The following GBGT1 variants were observed in gnomAD, a reference collection of about 807,000 sequenced individuals.
GBGT1 encodes globoside alpha-1,3-N-acetylgalactosaminyltransferase 1 (FORS blood group).
In GBGT1, 18 loss-of-function variants were observed where a neutral mutation model predicts 20.9. The ratio of observed to expected loss-of-function variants is 0.86; its 90% CI spans 0.60 to 1.28. GBGT1 has a LOEUF of 1.28. GBGT1 is among the 50% of genes most tolerant of loss of function. GBGT1 has a pLI of 0.00. For missense variants in GBGT1, 432 were observed against 455.7 expected (o/e 0.95, Z 0.47); for synonymous variants, 168 against 180.8 (o/e 0.93, Z 0.57).
rs1263478892 is a variant in GBGT1, at chr9:133,153,409, T to C, written c.*168A>G. ...CGCGTTACTGTGAGATCCTGTGTGC[T>C]ACTGTGTGCACAGCCCTCTGCAGTT... On this transcript the variant is annotated 3_prime_UTR_variant, in exon 7 of 7. Coordinates refer to ENST00000372040, the MANE Select transcript of GBGT1 (RefSeq NM_021996.6). 3 of 474,880 alleles carry C rather than the reference T, an allele frequency of 6.3e-6. No individual in the cohort carries two copies. The highest frequency in any genetic ancestry group is 7.4e-6 in the Non-Finnish European group (2 of 270,788). The allele number at this position is 474,880 out of a possible 1,614,324, so 29.4% of individuals were successfully genotyped here.
intron 3 of GBGT1, among the ~76,000 whole-genome samples, chr9:133,160,425 G>A (rs1833004355): frequency 6.6e-6 from 1 of 152,048 alleles, no homozygotes; most frequent in African/African-American, 2.4e-5. Context: ...TGTACTACAC[G>A]GTGGCTTTGC....
chr9:133,153,817 C>T lies in GBGT1; in HGVS notation c.804G>A (p.Gln268=). 1.3e-6 allele frequency: 2 copies of T among 1,587,604 alleles called. No homozygotes were observed. The highest frequency in any genetic ancestry group is 2.7e-5 in the African/African-American group (2 of 74,554). The change falls in exon 7 of 7, where the codon CAG becomes CAA. Residue 268 remains glutamine, a synonymous_variant. Coordinates refer to ENST00000372040, the MANE Select transcript of GBGT1 (RefSeq NM_021996.6). The stretch of plus-strand genomic sequence containing the variant: ...TAGTAAACTCATATACCCTGGCCAC[C>T]TGCCCCCCGAAGACTGCCCCACCAT... ...FYYGGAVFGG[Q]VARVYEFTRG... is the part of the protein sequence containing the mutation.
chr9:133,161,334 C>G, intron 3 of GBGT1, 133 bp downstream of exon 3: 1 of 590,694 alleles, frequency 1.7e-6, no homozygotes, highest in Non-Finnish European at 3.0e-6. Context: ...TACATAAATA[C>G]TATTGCATTT....
chr9:133,156,190 A>G, intron 3 of GBGT1, 125 bp from the exon 4 acceptor site: 1 of 986,204 alleles, frequency 1.0e-6, no homozygotes, highest in Non-Finnish European at 1.5e-6. Flanking sequence ...GCTCCCTCTG[A>G]CCTTCCCCCA....
At chr9:133,157,905 G>A (rs1404787926) in intron 3 of GBGT1, among the ~76,000 whole-genome samples, 1 of 152,200 alleles carries the variant, frequency 6.6e-6, no homozygotes, top group Non-Finnish European at 1.5e-5. Context: ...CCAGCACTTT[G>A]GGAGGCCAAA....
At position 133,153,329 on chromosome 9, in the gene GBGT1, C is replaced by T. The variant is rs1015527579; in HGVS notation, c.*248G>A. 3.0e-5 allele frequency: 11 copies of T among 371,258 alleles called. No individual in the cohort carries two copies. Among genetic ancestry groups the T allele is most frequent in the Non-Finnish European group, 5.3e-5 (11 of 208,340 alleles). 23.0% of individuals were successfully genotyped at this position (371,258 alleles called of 1,614,324 possible). ...CGGCTGCAGAACGTGGCAAGCCTGC[C>T]GGGCCCTGCCTTTGTAACTGCGCCT... On this transcript the variant is annotated 3_prime_UTR_variant, in exon 7 of 7. Transcript: ENST00000372040.
rs1832750742 is a variant in GBGT1 at position 133,153,061 on chromosome 9, C to T, written c.*516G>A. ...TTGGGGTGCAGGAAACCGAGGGAGCCTAGACCTGTTCCATTTCAAAGGCTC... is the reference window on the plus strand; with the variant it reads ...TTGGGGTGCAGGAAACCGAGGGAGCTTAGACCTGTTCCATTTCAAAGGCTC... On this transcript the variant is annotated 3_prime_UTR_variant, in exon 7 of 7. Coordinates refer to ENST00000372040, the MANE Select transcript of GBGT1 (RefSeq NM_021996.6). 6.6e-6 allele frequency: 1 copy of T among 152,380 alleles called. No homozygotes were observed. Among genetic ancestry groups the T allele is most frequent in the African/African-American group, 2.4e-5 (1 of 41,410 alleles). 9.4% of individuals were successfully genotyped at this position (152,380 alleles called of 1,614,324 possible).
intron 3 of GBGT1, chr9:133,160,281 T>TATAATAATTA (rs2119321040): frequency 6.9e-6 from 1 of 144,076 alleles, no homozygotes; most frequent in South Asian, 2.2e-4. Flanking sequence ...TCTGTCTCAA[T>TATAATAATTA]ATAATAATAA....
At position 133,153,914 on chromosome 9, in the gene GBGT1, C is replaced by T. The variant is rs75765336; in HGVS notation, c.707G>A (p.Arg236His). 3,457 of 1,604,574 alleles carry T rather than the reference C, an allele frequency of 2.2e-3. 39 individuals carry two copies. In the East Asian group the frequency reaches 0.037, roughly 17 times the overall value. ...CCTGCGCTCATAGGGGAACTGCTGG[C>T]GGGGAACGGCGTAGTAGCTTGGGTG... ...AIHPSYYAVP[R>H]QQFPYERRRV... Residue 236 changes from arginine to histidine, a missense_variant, in exon 7 of 7, where the codon CGC becomes CAC. Transcript: ENST00000372040.
chr9:133,154,027 C>T lies in GBGT1; in HGVS notation c.594G>A (p.Glu198=), dbSNP rs747270969. 20 of 1,613,728 alleles carry T rather than the reference C, an allele frequency of 1.2e-5. No homozygotes were observed. The South Asian group carries it at 2.0e-4, about 16-fold the overall frequency. ...CATCAAGGCAGAAGAGGTAGTCCAC[C>T]TCCCGGTGAGCCCTCTTAGCAATGT... ...SQHIAKRAHR[E]VDYLFCLDVD... Residue 198 remains glutamate, a synonymous_variant, in exon 7 of 7, where the codon GAG becomes GAA. Transcript: ENST00000372040. The surrounding 1 kb of genome is among the most constrained non-coding windows in gnomAD (Gnocchi z 4.2).
In GBGT1 at chr9:133,154,773, G is replaced by A. The variant is rs1449428997; in HGVS notation, c.359+405C>T. 22 of 189,388 alleles carry A rather than the reference G, an allele frequency of 1.2e-4. No homozygotes were observed. 11.7% of individuals were successfully genotyped at this position (189,388 alleles called of 1,614,324 possible). A position where few individuals can be genotyped will look rare whatever the true frequency, so the allele number is the denominator to read the frequency against. On this transcript the variant is annotated intron_variant, in intron 6 of 6. Coordinates refer to ENST00000372040, the MANE Select transcript of GBGT1 (RefSeq NM_021996.6). The surrounding 1 kb of genome is among the most constrained non-coding windows in gnomAD (Gnocchi z 4.2). Reference sequence around the variant, plus strand: ...GGTGGACCATTCATCATCTGGTCATGCTTTAGGGCCCCAGGAAGTTCCAGG... The same window carrying A: ...GGTGGACCATTCATCATCTGGTCATACTTTAGGGCCCCAGGAAGTTCCAGG...
In GBGT1 at chr9:133,153,979, C is replaced by A. The variant is rs763981088; in HGVS notation, c.642G>T (p.Pro214=). Residue 214 remains proline (P), a synonymous_variant, in exon 7 of 7, where the codon CCG becomes CCT. Transcript: ENST00000372040. ...CLDVDMVFRN[P]WGPETLGDLV... The stretch of plus-strand genomic sequence containing the variant: ...GGTCTCCCAAGGTCTCAGGGCCCCA[C>A]GGGTTCCGAAACACCATGTCCACAT... 6.2e-7 allele frequency: 1 copy of A among 1,613,630 alleles called. No individual in the cohort carries two copies. The highest frequency in any genetic ancestry group is 8.5e-7 in the Non-Finnish European group (1 of 1,179,850).
intron 3 of GBGT1, 21 bp downstream of exon 3, chr9:133,161,446 C>A: frequency 6.4e-7 from 1 of 1,569,598 alleles, no homozygotes; most frequent in Non-Finnish European, 8.7e-7. Context: ...CCCCAGTTCT[C>A]CTAGCCACAC....
rs578065342 is a variant in GBGT1 at position 133,153,870 on chromosome 9, C to A, written c.751G>T (p.Val251Leu). The A allele has an allele frequency of 3.2e-5, 51 of 1,601,688 alleles. No homozygotes were observed. In the East Asian group the frequency reaches 1.1e-3, roughly 36 times the overall value. ...YERRRVSTAF[V>L]ADSEGDFYYG... The stretch of plus-strand genomic sequence containing the variant: ...TAGAAGTCCCCTTCGCTGTCTGCCA[C>A]AAAGGCAGTGGAAACACGCCTGCGC... The change falls in exon 7 of 7, where the codon GTG becomes TTG. Residue 251 changes from valine (V) to leucine (L), a missense_variant. Val to Leu is a conservative substitution (Grantham distance 32). Coordinates refer to ENST00000372040, the MANE Select transcript of GBGT1 (RefSeq NM_021996.6).
At chr9:133,155,349 C>T (rs1321195701) in intron 5 of GBGT1, 37 bp from the exon 6 acceptor site, 1 of 1,611,384 alleles carries the variant, frequency 6.2e-7, no homozygotes, top group Non-Finnish European at 8.5e-7. Context: ...GAGACCCTCC[C>T]CTGTGAAAGC....
intron 1 of GBGT1, 134 bp from the exon 2 acceptor site, chr9:133,162,666 G>A: frequency 1.9e-6 from 1 of 517,328 alleles, no homozygotes; most frequent in Non-Finnish European, 3.5e-6. Flanking sequence ...TCAGCCTCCT[G>A]AGTAGCTGGG....
chr9:133,155,758 C>T (rs1436627288), intron 5 of GBGT1, 143 bp downstream of exon 5: 2 of 874,456 alleles, frequency 2.3e-6, no homozygotes, highest in Non-Finnish European at 1.9e-6. Context: ...GTCCCTGACT[C>T]CCAGCCCTGT....
Position 133,153,220 on chromosome 9 carries a change from A to G in GBGT1, c.*357T>C. 5.0e-6 allele frequency: 1 copy of G among 198,272 alleles called. No individual in the cohort carries two copies. Among genetic ancestry groups the G allele is most frequent in the Non-Finnish European group, 1.0e-5 (1 of 98,442 alleles). 12.3% of individuals were successfully genotyped at this position (198,272 alleles called of 1,614,324 possible). A position where few individuals can be genotyped will look rare whatever the true frequency, so the allele number is the denominator to read the frequency against. On this transcript the variant is annotated 3_prime_UTR_variant, in exon 7 of 7. Transcript: ENST00000372040. ...TATTAGAAATGCTACGTTAAGGGCAATATGCAATAAACGGGGGACTGGCGC... is the reference window on the plus strand; with the variant it reads ...TATTAGAAATGCTACGTTAAGGGCAGTATGCAATAAACGGGGGACTGGCGC...
chr9:133,158,379 A>G (rs990683984), intron 3 of GBGT1, among the ~76,000 whole-genome samples: 1 of 152,016 alleles, frequency 6.6e-6, no homozygotes, highest in African/African-American at 2.4e-5. Context: ...CCTGAGCTCA[A>G]GCGGTCCTCC....
Sources: gnomAD v4.1 joint callset for allele counts (sites outside exome capture counted in the v4.1 genomes callset) on GRCh38, gnomAD v4.1.1 for gene constraint, Gnocchi (gnomAD v3.1) non-coding constraint, MANE v1.5 for transcripts, NCBI Gene and HGNC (gene_info 2026-07-23, HGNC 2026-07-21) for gene names.